KLHL22: variants seen among roughly 807,000 people sequenced by gnomAD.
The protein encoded by KLHL22 is kelch like family member 22.
KLHL22 carries 18 observed loss-of-function variants against 60.7 expected under a neutral mutation model. That is an observed-to-expected ratio of 0.30 (90% CI 0.20 to 0.44). The LOEUF (loss-of-function observed/expected upper bound fraction) is 0.44, where lower values mean the gene tolerates loss of function less well. KLHL22 is among the 20% of genes least tolerant of loss of function. The pLI, the probability that KLHL22 is intolerant of heterozygous loss-of-function variation, is 1.00. For synonymous variants in KLHL22, 355 were observed against 354.5 expected (o/e 1.00, Z -0.01); for missense variants, 596 against 852.3 (o/e 0.70, Z 3.74).
intron 2 of KLHL22, among the ~76,000 whole-genome samples, chr22:20,477,679 T>TG (rs552998180): frequency 7.2e-5 from 11 of 152,114 alleles, no homozygotes; most frequent in Non-Finnish European, 1.3e-4. Context: ...TATGAGACAT[T>TG]GTGGGTGCAA....
In KLHL22 at chr22:20,450,984, C is replaced by T. The variant is rs553160241; in HGVS notation, c.1306-4308G>A. On this transcript the variant is annotated intron_variant, in intron 5 of 6. Transcript: ENST00000328879. ...AAGTGCTTTTGGTGGCTGGGGGCTT[C>T]GGAAGCCAGCAGTCTCCCATCGATG... 2.1e-5 allele frequency: 33 copies of T among 1,574,242 alleles called. No homozygotes were observed. The South Asian group carries it at 2.1e-4, about 10-fold the overall frequency.
chr22:20,459,920 T>C (rs996411776), intron 4 of KLHL22, among the ~76,000 whole-genome samples: 3 of 152,200 alleles, frequency 2.0e-5, no homozygotes, highest in Non-Finnish European at 4.4e-5. Flanking sequence ...ATGAGTGACC[T>C]GCTGGTCAGC....
At chr22:20,480,989 G>C (rs1601380013) in intron 2 of KLHL22, among the ~76,000 whole-genome samples, 1 of 151,628 alleles carries the variant, frequency 6.6e-6, no homozygotes, top group East Asian at 2.0e-4. Flanking sequence ...CCGCCACCAT[G>C]CCCGGCTAAT....
At chr22:20,480,772 C>T (rs890105417) in intron 2 of KLHL22, among the ~76,000 whole-genome samples, 5 of 150,832 alleles carry the variant, frequency 3.3e-5, no homozygotes, top group Non-Finnish European at 7.4e-5. Context: ...TAATTAGCCT[C>T]GAAAATAATT....
chr22:20,466,372 TAA>T (rs361874), intron 3 of KLHL22, among the ~76,000 whole-genome samples: 16,878 of 71,220 alleles, frequency 0.24, 1,660 homozygotes, highest in Non-Finnish European at 0.32. Flanking sequence ...AGACTCCGTC[TAA>T]AAAAAAAAAA....
chr22:20,484,624 G>A lies in KLHL22; in HGVS notation c.227+4361C>T, dbSNP rs1051163062. ...TTTTTGTATTTTTTGTAAACATGGGGTTTCGTCACGTTGCCCAGGCTGGTC... is the reference window on the plus strand; with the variant it reads ...TTTTTGTATTTTTTGTAAACATGGGATTTCGTCACGTTGCCCAGGCTGGTC... On this transcript the variant is annotated intron_variant, in intron 2 of 6. Transcript: ENST00000328879. Among the ~76,000 whole-genome samples, 3 of 151,850 alleles carry A rather than the reference G, an allele frequency of 2.0e-5. No individual in the cohort carries two copies. In the South Asian group the frequency reaches 6.2e-4, roughly 32 times the overall value.
At chr22:20,453,804 G>A (rs973369845) in intron 5 of KLHL22, among the ~76,000 whole-genome samples, 13 of 151,884 alleles carry the variant, frequency 8.6e-5, no homozygotes, top group East Asian at 3.9e-4. Flanking sequence ...GCGCAATCTC[G>A]GCTCATTGCA....
intron 2 of KLHL22, among the ~76,000 whole-genome samples, chr22:20,473,613 C>T (rs560539045): frequency 1.3e-5 from 2 of 152,288 alleles, no homozygotes; most frequent in African/African-American, 4.8e-5. Context: ...CAGTGGCTCA[C>T]GCCTGTAATC....
rs751163128 is a variant in KLHL22 at position 20,465,063 on chromosome 22, A to G, written c.907T>C (p.Phe303Leu). Residue 303 changes from phenylalanine to leucine, a missense_variant, in exon 4 of 7, where the codon TTC (phenylalanine) becomes CTC (leucine). Phe to Leu is a conservative substitution (Grantham distance 22). Coordinates refer to ENST00000328879, the MANE Select transcript of KLHL22 (RefSeq NM_032775.4). This position sits in a 1 kb window ranked among gnomAD's most constrained non-coding sequence, Gnocchi z 4.9. ...LRSDFQCVVG[F>L]GGIHSTPSTV... ...GACGGCGTGGAGTGAATGCCCCCGA[A>G]GCCCACAACGCACTGGAAGTCCGAC... 1 of 1,612,200 alleles carries G rather than the reference A, an allele frequency of 6.2e-7. No homozygotes were observed. The highest frequency in any genetic ancestry group is 1.1e-5 in the South Asian group (1 of 90,998).
intron 2 of KLHL22, among the ~76,000 whole-genome samples, chr22:20,475,776 C>A (rs1295516285): frequency 6.6e-6 from 1 of 152,144 alleles, no homozygotes; most frequent in Non-Finnish European, 1.5e-5. Flanking sequence ...GTTGGCCAGG[C>A]TGGTCTTGAA....
intron 1 of KLHL22, among the ~76,000 whole-genome samples, chr22:20,494,075 C>G (rs1177076570): frequency 7.6e-4 from 5 of 6,562 alleles, no homozygotes; most frequent in African/African-American, 5.4e-3. Flanking sequence ...CCAGACTTTG[C>G]CCCCCCCCCA....
intron 5 of KLHL22, chr22:20,450,392 T>A (rs962739294): frequency 4.2e-5 from 62 of 1,465,232 alleles, no homozygotes; most frequent in Non-Finnish European, 5.7e-5. Context: ...GGACTTTGTG[T>A]ACACGGAAAC....
intron 5 of KLHL22, among the ~76,000 whole-genome samples, chr22:20,455,222 A>G (rs2146192802): frequency 1.3e-5 from 2 of 152,134 alleles, no homozygotes; most frequent in South Asian, 4.2e-4. Context: ...CATCTGATCC[A>G]TCAGCAAGCC....
intron 4 of KLHL22, among the ~76,000 whole-genome samples, chr22:20,463,542 G>T (rs929436848): frequency 1.3e-5 from 2 of 152,230 alleles, no homozygotes; most frequent in African/African-American, 4.8e-5. Context: ...GATTGGCTTT[G>T]CAGGTCTGTA....
At position 20,468,739 on chromosome 22, in the gene KLHL22, A is replaced by G. The variant is rs541417056; in HGVS notation, c.393+2611T>C. Reference sequence around the variant, plus strand: ...TGGTGTGGTGATCACAGCTTACTGAAGCCTCCACCTCCTGGGCTCAAGTGA... The same window carrying G: ...TGGTGTGGTGATCACAGCTTACTGAGGCCTCCACCTCCTGGGCTCAAGTGA... On this transcript the variant is annotated intron_variant, in intron 3 of 6. Coordinates refer to ENST00000328879, the MANE Select transcript of KLHL22 (RefSeq NM_032775.4). Among the ~76,000 whole-genome samples, 111 of 152,252 alleles carry G rather than the reference A, an allele frequency of 7.3e-4. 1 individual carries two copies. The highest frequency in any genetic ancestry group is 2.6e-3 in the African/African-American group (108 of 41,554).
intron 2 of KLHL22, among the ~76,000 whole-genome samples, chr22:20,480,458 T>C (rs1460331174): frequency 1.3e-5 from 2 of 152,150 alleles, no homozygotes; most frequent in African/African-American, 4.8e-5. Flanking sequence ...GAGGGCCATC[T>C]CTACTGCTGG....
chr22:20,471,031 G>A (rs1269582459), intron 3 of KLHL22, among the ~76,000 whole-genome samples: 1 of 152,240 alleles, frequency 6.6e-6, no homozygotes, highest in Non-Finnish European at 1.5e-5. Context: ...GAGCACACAG[G>A]ACGTCCACAT....
At chr22:20,492,887 C>T (rs2053713359) in intron 1 of KLHL22, among the ~76,000 whole-genome samples, 5 of 152,184 alleles carry the variant, frequency 3.3e-5, no homozygotes, top group African/African-American at 7.2e-5. Flanking sequence ...CCACCGCGCC[C>T]GGCCCAAACC....
At position 20,489,956 on chromosome 22, in the gene KLHL22, C is replaced by T. The variant is rs187063554; in HGVS notation, c.-33-712G>A. On this transcript the variant is annotated intron_variant, in intron 1 of 6. Coordinates refer to ENST00000328879, the MANE Select transcript of KLHL22 (RefSeq NM_032775.4). ...AAAGATTATCTTCTAATAATTGAGT[C>T]AGTACGTTCAAAAACCGCAAACTGA... is the stretch of plus-strand genomic sequence containing the variant. 535 of 367,248 alleles carry T rather than the reference C, an allele frequency of 1.5e-3. 4 individuals are homozygous for T. The highest frequency in any genetic ancestry group is 4.9e-3 in the South Asian group (231 of 47,572). The allele number at this position is 367,248 out of a possible 1,614,324, so 22.7% of individuals were successfully genotyped here.
Sources: gnomAD v4.1 joint callset for allele counts (sites outside exome capture counted in the v4.1 genomes callset) on GRCh38, gnomAD v4.1.1 for gene constraint, Gnocchi (gnomAD v3.1) non-coding constraint, MANE v1.5 for transcripts, NCBI Gene and HGNC (gene_info 2026-07-23, HGNC 2026-07-21) for gene names.